BCL7A: variants seen among roughly 807,000 people sequenced by gnomAD.
The protein encoded by BCL7A is B-cell CLL/lymphoma 7 protein family member A.
A neutral mutation model predicts 28.4 loss-of-function variants in BCL7A; 11 were observed. The ratio of observed to expected loss-of-function variants is 0.39; its 90% CI spans 0.24 to 0.64. The LOEUF (loss-of-function observed/expected upper bound fraction) is 0.64. BCL7A is among the 30% of genes least tolerant of loss of function. BCL7A has a pLI of 0.50. For missense variants in BCL7A, 222 were observed against 274.8 expected, an observed-to-expected ratio of 0.81 and a Z score of 1.36; for synonymous variants, 123 against 103.3, an observed-to-expected ratio of 1.19 and a Z score of -1.15.
intron 1 of BCL7A, among the ~76,000 whole-genome samples, chr12:122,022,914 C>T (rs1456964531): frequency 6.6e-6 from 1 of 152,032 alleles, no homozygotes; most frequent in Non-Finnish European, 1.5e-5. Flanking sequence ...GCGGGGGGCT[C>T]GGGCCAGCCG....
chr12:122,050,474 C>T (rs902179883), intron 4 of BCL7A, among the ~76,000 whole-genome samples: 1 of 152,192 alleles, frequency 6.6e-6, no homozygotes, highest in Non-Finnish European at 1.5e-5. Flanking sequence ...CAGTATGTGT[C>T]GTCCCCTCTC....
Position 122,022,199 on chromosome 12 carries a change from C to T in BCL7A, c.92+16C>T, listed in dbSNP as rs1430643004. ...TGCGCAAATGGTAAGCGGAGGCGCC[C>T]GCCGCCAGCCGCCTCCCCGGCCGCC... On this transcript the variant is annotated intron_variant, in intron 1 of 5. Transcript: ENST00000261822. The T allele has an allele frequency of 2.8e-6, 4 of 1,435,338 alleles. No homozygotes were observed. In the Admixed American group the frequency reaches 6.8e-5, roughly 24 times the overall value. The allele number at this position is 1,435,338 out of a possible 1,614,324, so 88.9% of individuals were successfully genotyped here.
intron 4 of BCL7A, among the ~76,000 whole-genome samples, chr12:122,052,041 CT>C (rs1565942330): frequency 2.0e-5 from 3 of 151,654 alleles, no homozygotes; most frequent in African/African-American, 7.3e-5. Flanking sequence ...CACCCAGCTA[CT>C]TTTTATATTT....
chr12:122,022,787 T>C, intron 1 of BCL7A, among the ~76,000 whole-genome samples: 1 of 150,946 alleles, frequency 6.6e-6, no homozygotes, highest in Middle Eastern at 3.4e-3. Context: ...ATTTAGCGCT[T>C]TGGGCTGCCT....
At chr12:122,027,708 G>A (rs1678971) in intron 1 of BCL7A, among the ~76,000 whole-genome samples, 50,304 of 151,498 alleles carry the variant, frequency 0.33, 8,615 homozygotes, top group East Asian at 0.5. Flanking sequence ...GTGGTGGCAT[G>A]TGCTTGTAGT....
chr12:122,044,045 G>T lies in BCL7A; in HGVS notation c.431G>T (p.Gly144Val). The change falls in exon 4 of 6, where the codon GGA becomes GTA. Residue 144 changes from glycine to valine, a missense_variant. Transcript: ENST00000261822. Reference sequence around the variant, plus strand: ...CAGGCTGATGGGAAGGAGCACCCAGGAGCTGAAGGTATGTGGCCTCTGGAG... The same window carrying T: ...CAGGCTGATGGGAAGGAGCACCCAGTAGCTGAAGGTATGTGGCCTCTGGAG... ...EAQADGKEHP[G>V]AEDASDEQNS... The T allele has an allele frequency of 6.2e-7, 1 of 1,613,202 alleles. No individual in the cohort carries two copies. Among genetic ancestry groups the T allele is most frequent in the Non-Finnish European group, 8.5e-7 (1 of 1,179,670 alleles).
At position 122,059,226 on chromosome 12, in the gene BCL7A, C is replaced by A; in HGVS notation, c.*63C>A. On this transcript the variant is annotated 3_prime_UTR_variant, in exon 6 of 6. Transcript: ENST00000261822. The surrounding 1 kb of genome is among the most constrained non-coding windows in gnomAD (Gnocchi z 4.0). The stretch of plus-strand genomic sequence containing the variant: ...GGTACATCAGCAATTAATTCTAGAG[C>A]AACTTTGCCCCAGCGATTCCTCTTG... 6.7e-7 allele frequency: 1 copy of A among 1,486,882 alleles called. No individual in the cohort carries two copies. The highest frequency in any genetic ancestry group is 9.4e-7 in the Non-Finnish European group (1 of 1,067,710). 92.1% of individuals were successfully genotyped at this position (1,486,882 alleles called of 1,614,324 possible).
intron 3 of BCL7A, 83 bp from the exon 4 acceptor site, chr12:122,043,803 C>T (rs1205055137): frequency 2.1e-6 from 3 of 1,415,138 alleles, no homozygotes; most frequent in South Asian, 1.5e-5. Context: ...GGCATTGAGG[C>T]ACAGGGATGC....
chr12:122,023,980 T>A (rs568725717), intron 1 of BCL7A, among the ~76,000 whole-genome samples: 2 of 152,280 alleles, frequency 1.3e-5, no homozygotes, highest in East Asian at 1.9e-4. Flanking sequence ...GGTTCCCGGC[T>A]GGACAGAGGC....
At chr12:122,050,705 A>T (rs1884174924) in intron 4 of BCL7A, among the ~76,000 whole-genome samples, 1 of 152,222 alleles carries the variant, frequency 6.6e-6, no homozygotes, top group South Asian at 2.1e-4. Context: ...CTAAGGTGGG[A>T]GGATCACTTG....
In BCL7A at chr12:122,043,973, A is replaced by G. The variant is rs34821485; in HGVS notation, c.359A>G (p.Asn120Ser). ...SSNSSPAPEP[N>S]SAVPSDGTEA... ...AACTCCAGCCCCGCTCCAGAGCCCAACTCGGCTGTGCCCAGCGACGGCACC... is the reference window on the plus strand; with the variant it reads ...AACTCCAGCCCCGCTCCAGAGCCCAGCTCGGCTGTGCCCAGCGACGGCACC... Residue 120 changes from asparagine to serine, a missense_variant, in exon 4 of 6, where the codon AAC becomes AGC. By Grantham distance (46) the Asn-to-Ser change is conservative (BLOSUM62 1). This residue lies in a region of BCL7A where 155 missense variants were observed against 145.7 expected (regional missense o/e 1.06). Transcript: ENST00000261822. 3.7e-6 allele frequency: 6 copies of G among 1,613,906 alleles called. No homozygotes were observed. The highest frequency in any genetic ancestry group is 1.3e-5 in the African/African-American group (1 of 75,012).
intron 4 of BCL7A, 62 bp from the exon 5 acceptor site, chr12:122,054,743 C>T: frequency 6.5e-7 from 1 of 1,530,214 alleles, no homozygotes; most frequent in Non-Finnish European, 8.9e-7. Context: ...CAGTATTTGG[C>T]CCCACCGGCC....
intron 1 of BCL7A, among the ~76,000 whole-genome samples, chr12:122,023,013 T>C (rs1883506855): frequency 2.0e-5 from 3 of 152,184 alleles, no homozygotes; most frequent in African/African-American, 4.8e-5. Flanking sequence ...GAGCTGTTGT[T>C]TTTGTTCTCT....
chr12:122,039,153 C>T (rs1259392063), intron 3 of BCL7A, among the ~76,000 whole-genome samples: 2 of 151,460 alleles, frequency 1.3e-5, no homozygotes, highest in Non-Finnish European at 2.9e-5. Context: ...AAAAATTAGC[C>T]AGGCGTGGTG....
Position 122,030,697 on chromosome 12 carries a change from C to T in BCL7A, c.93-3C>T. Reference sequence around the variant, plus strand: ...GTAACAGGCTCTTCCTCATCCTCCTCAGGGAGAAGAAATGGGTGACCGTTG... The same window carrying T: ...GTAACAGGCTCTTCCTCATCCTCCTTAGGGAGAAGAAATGGGTGACCGTTG... On this transcript the variant is annotated splice_polypyrimidine_tract_variant and splice_region_variant and intron_variant, in intron 1 of 5. Coordinates refer to ENST00000261822, the MANE Select transcript of BCL7A (RefSeq NM_001024808.3). 1.2e-6 allele frequency: 2 copies of T among 1,613,624 alleles called. No homozygotes were observed. The highest frequency in any genetic ancestry group is 1.7e-6 in the Non-Finnish European group (2 of 1,179,604).
chr12:122,035,087 G>A (rs1175643699), intron 2 of BCL7A, among the ~76,000 whole-genome samples: 3 of 152,190 alleles, frequency 2.0e-5, no homozygotes, highest in Non-Finnish European at 2.9e-5. Flanking sequence ...CCAGGGTGCC[G>A]GAGCTGGGCC....
At chr12:122,044,718 C>T (rs1159055909) in intron 4 of BCL7A, among the ~76,000 whole-genome samples, 3 of 151,710 alleles carry the variant, frequency 2.0e-5, no homozygotes, top group Non-Finnish European at 4.4e-5. Context: ...CCCAGCTACT[C>T]AAGAGGCTGA....
intron 2 of BCL7A, among the ~76,000 whole-genome samples, chr12:122,033,765 CTG>C (rs1158077074): frequency 6.6e-6 from 1 of 152,170 alleles, no homozygotes; most frequent in Non-Finnish European, 1.5e-5. Flanking sequence ...CCAGAAGTCA[CTG>C]TTTTATTCAG....
intron 5 of BCL7A, among the ~76,000 whole-genome samples, chr12:122,057,961 A>G (rs1253801942): frequency 2.0e-5 from 3 of 152,012 alleles, no homozygotes; most frequent in Non-Finnish European, 4.4e-5. Flanking sequence ...AGGCTGAGGC[A>G]GGAGGATCCC....
Sources: gnomAD v4.1 joint callset for allele counts (sites outside exome capture counted in the v4.1 genomes callset) on GRCh38, gnomAD v4.1.1 for gene constraint, gnomAD v4.1.1 regional missense constraint, Gnocchi (gnomAD v3.1) non-coding constraint, MANE v1.5 for transcripts, NCBI Gene and HGNC (gene_info 2026-07-23, HGNC 2026-07-21) for gene names.